ELF1: variants seen among roughly 807,000 people sequenced by gnomAD.
The protein encoded by ELF1 is ETS-related transcription factor Elf-1.
A neutral mutation model predicts 59.9 loss-of-function variants in ELF1; 24 were observed. That is an observed-to-expected ratio of 0.40 (90% CI 0.29 to 0.56). The LOEUF is 0.56. ELF1 is among the 20% of genes least tolerant of loss of function. ELF1 has a pLI of 0.44. For synonymous variants in ELF1, 248 were observed against 266.2 expected, an observed-to-expected ratio of 0.93 and a Z score of 0.67; for missense variants, 627 against 742.2, an observed-to-expected ratio of 0.84 and a Z score of 1.80.
chr13:40,981,625 G>C (rs893068495), intron 2 of ELF1, among the ~76,000 whole-genome samples: 4 of 152,012 alleles, frequency 2.6e-5, no homozygotes, highest in Non-Finnish European at 5.9e-5. Context: ...AGTAGCCCAT[G>C]ATTACAAACA....
intron 1 of ELF1, among the ~76,000 whole-genome samples, chr13:41,057,257 A>G (rs557978630): frequency 2.6e-5 from 4 of 151,546 alleles, no homozygotes; most frequent in East Asian, 1.9e-4. Flanking sequence ...CCTGGGCTCA[A>G]TGGATCCTCC....
In ELF1 at chr13:40,933,411, C is replaced by T. The variant is rs1489200487; in HGVS notation, c.*14G>A. 6.2e-7 allele frequency: 1 copy of T among 1,601,704 alleles called. No individual in the cohort carries two copies. The highest frequency in any genetic ancestry group is 2.2e-5 in the East Asian group (1 of 44,732). On this transcript the variant is annotated 3_prime_UTR_variant, in exon 9 of 9. Coordinates refer to ENST00000239882, the MANE Select transcript of ELF1 (RefSeq NM_172373.4). ...CAATTAACAAACAATTATTCATAAG[C>T]TTTGGTATATTAACTAAAAAGAGTT... is the stretch of plus-strand genomic sequence containing the variant.
At chr13:40,976,475 T>G (rs1220022634) in intron 2 of ELF1, among the ~76,000 whole-genome samples, 1 of 152,236 alleles carries the variant, frequency 6.6e-6, no homozygotes, top group Non-Finnish European at 1.5e-5. Flanking sequence ...GAATAGTGTT[T>G]CCCAAACACT....
In ELF1 at chr13:40,941,040, A is replaced by G; in HGVS notation, c.1137T>C (p.Pro379=). ...RTVQPTQSPY[P]TQLFRTVHVV... ...CATGAACAGTCCGGAAGAGCTGGGT[A>G]GGATATGGAGACTGCGTGGGCTGCA... Residue 379 remains proline (P), a synonymous_variant, in exon 8 of 9, where the codon CCT becomes CCC. Coordinates refer to ENST00000239882, the MANE Select transcript of ELF1 (RefSeq NM_172373.4). The G allele has an allele frequency of 1.9e-6, 3 of 1,614,194 alleles. No individual in the cohort carries two copies. Among genetic ancestry groups the G allele is most frequent in the Non-Finnish European group, 2.5e-6 (3 of 1,180,028 alleles).
At chr13:40,946,692 T>A (rs1478923679) in intron 5 of ELF1, among the ~76,000 whole-genome samples, 1 of 151,926 alleles carries the variant, frequency 6.6e-6, no homozygotes, top group Non-Finnish European at 1.5e-5. Context: ...CTAGCCAACA[T>A]AAACACAACA....
At chr13:40,961,910 G>A (rs565404128) in intron 2 of ELF1, among the ~76,000 whole-genome samples, 1 of 152,320 alleles carries the variant, frequency 6.6e-6, no homozygotes, top group Non-Finnish European at 1.5e-5. Context: ...TCACCCAAAT[G>A]AAACCAAAGT....
chr13:40,966,915 G>A (rs1566174690), intron 2 of ELF1, among the ~76,000 whole-genome samples: 6 of 152,172 alleles, frequency 3.9e-5, no homozygotes, highest in Admixed American at 2.0e-4. Flanking sequence ...GCACACCTTC[G>A]AGTAGTTCAC....
chr13:40,966,815 A>G (rs1170179941), intron 2 of ELF1, among the ~76,000 whole-genome samples: 1 of 152,338 alleles, frequency 6.6e-6, no homozygotes, highest in African/African-American at 2.4e-5. Flanking sequence ...ATACCTACAA[A>G]ATATTTTCCC....
At chr13:40,998,280 A>G (rs1874228454) in intron 1 of ELF1, among the ~76,000 whole-genome samples, 1 of 152,254 alleles carries the variant, frequency 6.6e-6, no homozygotes. Flanking sequence ...AAGCAGATAT[A>G]CAACAGTAGT....
At chr13:40,993,250 C>T (rs1873958195) in intron 1 of ELF1, 2 of 1,578,940 alleles carry the variant, frequency 1.3e-6, no homozygotes, top group African/African-American at 1.3e-5. Flanking sequence ...ACAAAAGCAA[C>T]AGATGTTGTT....
intron 1 of ELF1, among the ~76,000 whole-genome samples, chr13:40,984,376 G>A (rs536081344): frequency 2.0e-5 from 3 of 152,260 alleles, no homozygotes; most frequent in Non-Finnish European, 4.4e-5. Context: ...ACCAACCGGG[G>A]CAACATAGCA....
intron 3 of ELF1, among the ~76,000 whole-genome samples, chr13:40,956,028 A>G (rs866488803): frequency 0.017 from 2,323 of 135,752 alleles, 39 homozygotes; most frequent in South Asian, 0.073. Flanking sequence ...CCTACTGGGA[A>G]GTGAGGAGCC....
At chr13:40,968,156 C>T (rs1264697666) in intron 2 of ELF1, among the ~76,000 whole-genome samples, 1 of 152,152 alleles carries the variant, frequency 6.6e-6, no homozygotes. Context: ...ATTAATGCTA[C>T]ACTTCAATAA....
chr13:40,955,236 G>T (rs1871171027), intron 3 of ELF1, among the ~76,000 whole-genome samples: 2 of 147,624 alleles, frequency 1.4e-5, no homozygotes, highest in South Asian at 2.2e-4. Context: ...GGGAAGTGAG[G>T]AGCATCTCCG....
intron 1 of ELF1, among the ~76,000 whole-genome samples, chr13:41,044,847 T>A (rs1876774628): frequency 6.6e-6 from 1 of 152,208 alleles, no homozygotes; most frequent in Admixed American, 6.5e-5. Context: ...TCCTATTGAC[T>A]GGAATAGTTT....
intron 7 of ELF1, 109 bp downstream of exon 7, chr13:40,942,843 G>T: frequency 1.7e-6 from 2 of 1,143,560 alleles, no homozygotes; most frequent in Non-Finnish European, 1.2e-6. Flanking sequence ...CTCTTATTAT[G>T]TATTTGCATT....
chr13:40,947,194 C>T (rs2138147661), intron 5 of ELF1, among the ~76,000 whole-genome samples: 1 of 151,070 alleles, frequency 6.6e-6, no homozygotes, highest in South Asian at 2.1e-4. Flanking sequence ...CTACAAACAA[C>T]CCAAATCCCA....
intron 1 of ELF1, among the ~76,000 whole-genome samples, chr13:41,011,098 T>C (rs2138363898): frequency 6.6e-6 from 1 of 152,308 alleles, no homozygotes; most frequent in East Asian, 1.9e-4. Flanking sequence ...GAAACACTGA[T>C]CAGGAAGCAA....
intron 1 of ELF1, among the ~76,000 whole-genome samples, chr13:41,045,766 G>C (rs1415358176): frequency 1.3e-5 from 2 of 152,288 alleles, no homozygotes; most frequent in African/African-American, 4.8e-5. Flanking sequence ...GTTGATTTGG[G>C]GTGGAGAGTT....
Sources: allele counts gnomAD v4.1 joint callset (sites outside exome capture counted in the v4.1 genomes callset), GRCh38; gene constraint gnomAD v4.1.1; transcripts MANE v1.5; gene names NCBI Gene and HGNC (gene_info 2026-07-23, HGNC 2026-07-21).